KDM4C: variants seen among roughly 807,000 people sequenced by gnomAD.
KDM4C encodes lysine demethylase 4C, also known as lysine-specific demethylase 4C.
KDM4C carries 81 observed loss-of-function variants against 129.3 expected under a neutral mutation model. That is an observed-to-expected ratio of 0.63 (90% CI 0.52 to 0.75). The LOEUF (loss-of-function observed/expected upper bound fraction) is 0.75, where lower values mean the gene tolerates loss of function less well. KDM4C is among the 30% of genes least tolerant of loss of function. The pLI, the probability that KDM4C is intolerant of heterozygous loss-of-function variation, is 0.00. For missense variants in KDM4C, 1,457 were observed against 1,304.0 expected, an observed-to-expected ratio of 1.12 and a Z score of -1.81; for synonymous variants, 573 against 456.1, an observed-to-expected ratio of 1.26 and a Z score of -3.26.
At chr9:7,040,112 C>T (rs1828307322) in intron 15 of KDM4C, among the ~76,000 whole-genome samples, 1 of 152,050 alleles carries the variant, frequency 6.6e-6, no homozygotes, top group African/African-American at 2.4e-5. Context: ...ACTCTGCCTT[C>T]AAATAATATC....
At chr9:6,937,980 G>T (rs1189907629) in intron 8 of KDM4C, among the ~76,000 whole-genome samples, 1 of 152,062 alleles carries the variant, frequency 6.6e-6, no homozygotes, top group Non-Finnish European at 1.5e-5. Context: ...CCAAAGTGCT[G>T]GGATTACAGA....
intron 5 of KDM4C, among the ~76,000 whole-genome samples, chr9:6,869,810 C>T (rs1483418204): frequency 1.3e-5 from 2 of 152,204 alleles, no homozygotes; most frequent in Non-Finnish European, 2.9e-5. Flanking sequence ...TGCAGCATCC[C>T]CTATAGCCAT....
rs1586719349 is a variant in KDM4C, at chr9:6,986,425, C to T, written c.1436C>T (p.Ser479Phe). Residue 479 changes from serine (S) to phenylalanine (F), a missense_variant, in exon 11 of 22, where the codon TCT (serine) becomes TTT (phenylalanine). Coordinates refer to ENST00000381309, the MANE Select transcript of KDM4C (RefSeq NM_015061.6). ...GCTTATGCATATAGAAGTGTACCTT[C>T]TATATCCAGTGAGGCTGATGATTCC... Reference protein sequence around the residue: ...DKAYAYRSVPSISSEADDSIP... With the variant: ...DKAYAYRSVPFISSEADDSIP... The T allele has an allele frequency of 2.5e-6, 4 of 1,613,980 alleles. No homozygotes were observed. Among genetic ancestry groups the T allele is most frequent in the African/African-American group, 2.7e-5 (2 of 75,054 alleles).
At chr9:6,785,000 T>C (rs868833586) in intron 1 of KDM4C, among the ~76,000 whole-genome samples, 2 of 152,216 alleles carry the variant, frequency 1.3e-5, no homozygotes, top group African/African-American at 4.8e-5. Context: ...AAAGCTAAGA[T>C]TGGAGAACGT....
intron 5 of KDM4C, among the ~76,000 whole-genome samples, chr9:6,870,460 G>A (rs1842675914): frequency 6.6e-6 from 1 of 152,040 alleles, no homozygotes; most frequent in Non-Finnish European, 1.5e-5. Flanking sequence ...TGCCTGTAAG[G>A]AAGCTTTGGC....
At chr9:6,750,153 C>G (rs1318534666) in intron 1 of KDM4C, among the ~76,000 whole-genome samples, 1 of 151,342 alleles carries the variant, frequency 6.6e-6, no homozygotes, top group African/African-American at 2.4e-5. Flanking sequence ...TAAGACAGCT[C>G]TTCATGGCCA....
At chr9:7,144,249 A>G (rs528794276) in intron 19 of KDM4C, among the ~76,000 whole-genome samples, 1 of 152,182 alleles carries the variant, frequency 6.6e-6, no homozygotes, top group African/African-American at 2.4e-5. Flanking sequence ...GAGAGATTAC[A>G]GGCATGAGCT....
At chr9:7,135,388 C>T (rs981774903) in intron 19 of KDM4C, among the ~76,000 whole-genome samples, 29 of 152,092 alleles carry the variant, frequency 1.9e-4, no homozygotes, top group African/African-American at 3.9e-4. Flanking sequence ...TTTTTCTTTC[C>T]AGGAGAGACT....
chr9:6,841,771 C>T (rs1474883626), intron 4 of KDM4C, among the ~76,000 whole-genome samples: 1 of 152,104 alleles, frequency 6.6e-6, no homozygotes, highest in Non-Finnish European at 1.5e-5. Context: ...ATGATCAGGC[C>T]GTCTTTGGTG....
At chr9:7,070,497 T>G (rs757373585) in intron 17 of KDM4C, among the ~76,000 whole-genome samples, 1 of 152,120 alleles carries the variant, frequency 6.6e-6, no homozygotes, top group African/African-American at 2.4e-5. Flanking sequence ...ATTAACAAAC[T>G]GAATCAGCAG....
At chr9:6,818,205 A>G (rs1832471068) in intron 4 of KDM4C, among the ~76,000 whole-genome samples, 4 of 152,208 alleles carry the variant, frequency 2.6e-5, no homozygotes, top group African/African-American at 9.7e-5. Flanking sequence ...TGACTTTTGA[A>G]ACATTTCCAA....
At chr9:6,750,400 T>C (rs1478461916) in intron 1 of KDM4C, among the ~76,000 whole-genome samples, 1 of 151,508 alleles carries the variant, frequency 6.6e-6, no homozygotes, top group Non-Finnish European at 1.5e-5. Context: ...GATCGTGTCA[T>C]TGCACTTCAG....
chr9:7,121,544 G>A (rs923535907), intron 18 of KDM4C, among the ~76,000 whole-genome samples: 1 of 152,192 alleles, frequency 6.6e-6, no homozygotes, highest in Non-Finnish European at 1.5e-5. Context: ...CTACAAAGTC[G>A]TATGCACAGG....
At chr9:6,843,115 G>C (rs1182236258) in intron 4 of KDM4C, among the ~76,000 whole-genome samples, 1 of 152,136 alleles carries the variant, frequency 6.6e-6, no homozygotes, top group African/African-American at 2.4e-5. Flanking sequence ...TTTTTATAGA[G>C]ATGGGGTTTC....
chr9:6,778,880 C>T (rs1008126545), intron 1 of KDM4C, among the ~76,000 whole-genome samples: 71 of 149,122 alleles, frequency 4.8e-4, no homozygotes, highest in Admixed American at 4.6e-3. Context: ...TGCAAGTGGC[C>T]TGGCTAATTT....
chr9:6,852,036 G>A (rs1332964080), intron 5 of KDM4C, among the ~76,000 whole-genome samples: 1 of 152,084 alleles, frequency 6.6e-6, no homozygotes, highest in Non-Finnish European at 1.5e-5. Flanking sequence ...ATAATAAAAT[G>A]TAGTAGTGAG....
intron 8 of KDM4C, among the ~76,000 whole-genome samples, chr9:6,960,262 G>C (rs1484512734): frequency 1.3e-5 from 2 of 149,142 alleles, no homozygotes; most frequent in East Asian, 4.0e-4. Flanking sequence ...ATAAATGGAA[G>C]CTCTTTTAAA....
intron 19 of KDM4C, among the ~76,000 whole-genome samples, chr9:7,155,532 G>T (rs1417405863): frequency 2.0e-5 from 3 of 151,758 alleles, no homozygotes; most frequent in African/African-American, 4.8e-5. Context: ...AACAGGCCCC[G>T]GTGTGTGATG....
upstream of KDM4C, among the ~76,000 whole-genome samples, chr9:6,754,385 G>C (rs1459638538): frequency 6.6e-6 from 1 of 151,518 alleles, no homozygotes; most frequent in Non-Finnish European, 1.5e-5. Context: ...GCTAATTTTT[G>C]TATTTTTAGT....
Sources: allele counts gnomAD v4.1 joint callset (sites outside exome capture counted in the v4.1 genomes callset), GRCh38; gene constraint gnomAD v4.1.1; transcripts MANE v1.5; gene names NCBI Gene and HGNC (gene_info 2026-07-23, HGNC 2026-07-21).